Variants in GPAT4 observed in about 807,000 individuals in gnomAD.
The protein encoded by GPAT4 is glycerol-3-phosphate acyltransferase 4.
In GPAT4, 17 loss-of-function variants were observed where a neutral mutation model predicts 58.0. The observed-to-expected ratio is 0.29, with a 90% CI of 0.20 to 0.44. GPAT4 has a LOEUF of 0.44. GPAT4 is among the 20% of genes least tolerant of loss of function. The pLI is 1.00. For missense variants in GPAT4, 377 were observed against 574.5 expected (o/e 0.66, Z 3.51); for synonymous variants, 204 against 210.1 (o/e 0.97, Z 0.25).
intron 1 of GPAT4, among the ~76,000 whole-genome samples, chr8:41,583,656 G>C (rs1229979547): frequency 6.6e-6 from 1 of 152,064 alleles, no homozygotes; most frequent in East Asian, 1.9e-4. Context: ...AGTGCTCCAA[G>C]GTCACACGTG....
chr8:41,579,088 A>G (rs1163522941), intron 1 of GPAT4, among the ~76,000 whole-genome samples: 1 of 152,234 alleles, frequency 6.6e-6, no homozygotes, highest in Non-Finnish European at 1.5e-5. Context: ...ATTCTATCTC[A>G]ATCCAAGGGA....
rs143070535 is a variant in GPAT4 at position 41,595,580 on chromosome 8, T to C, written c.-848-2712T>C. 1.8e-3 allele frequency among the ~76,000 whole-genome samples: 271 copies of C among 152,306 alleles called. 3 individuals are homozygous for C. The highest frequency in any genetic ancestry group is 6.0e-3 in the African/African-American group (251 of 41,566). On this transcript the variant is annotated intron_variant, in intron 1 of 12. Coordinates refer to ENST00000396987, the MANE Select transcript of GPAT4 (RefSeq NM_178819.4). ...GTTTACACTTACAACAAGGTGGTATTGGAGTGTTGTAGGGTCACGGAGAAG... is the reference window on the plus strand; with the variant it reads ...GTTTACACTTACAACAAGGTGGTATCGGAGTGTTGTAGGGTCACGGAGAAG...
chr8:41,621,114 C>G lies in GPAT4; in HGVS notation c.*113C>G. 1 of 1,423,320 alleles carries G rather than the reference C, an allele frequency of 7.0e-7. No individual in the cohort carries two copies. 88.2% of individuals were successfully genotyped at this position (1,423,320 alleles called of 1,614,324 possible). On this transcript the variant is annotated 3_prime_UTR_variant, in exon 13 of 13. Transcript: ENST00000396987. Reference sequence around the variant, plus strand: ...TTTCCAGACTCCAGGGCTCCCCGGGCTGCTCTGGATCCCAGGACTCCGGCT... The same window carrying G: ...TTTCCAGACTCCAGGGCTCCCCGGGGTGCTCTGGATCCCAGGACTCCGGCT...
intron 1 of GPAT4, among the ~76,000 whole-genome samples, chr8:41,597,560 AT>A (rs1364102268): frequency 6.6e-6 from 1 of 152,170 alleles, no homozygotes; most frequent in East Asian, 1.9e-4. Context: ...ATTTCTAGGA[AT>A]TTACCCCGAA....
intron 1 of GPAT4, among the ~76,000 whole-genome samples, chr8:41,582,461 A>G (rs1278332470): frequency 6.9e-6 from 1 of 145,142 alleles, no homozygotes; most frequent in Non-Finnish European, 1.5e-5. Flanking sequence ...ACACACACAC[A>G]CACACACACA....
At chr8:41,586,123 A>G (rs375986891) in intron 1 of GPAT4, among the ~76,000 whole-genome samples, 5 of 152,326 alleles carry the variant, frequency 3.3e-5, no homozygotes, top group South Asian at 2.1e-4. Context: ...GTAACCAACA[A>G]TCTACTTTCT....
In GPAT4 at chr8:41,604,675, A is replaced by G. The variant is rs565118831; in HGVS notation, c.166-4741A>G. 2.4e-3 allele frequency among the ~76,000 whole-genome samples: 370 copies of G among 152,346 alleles called. 2 individuals carry two copies. The highest frequency in any genetic ancestry group is 3.4e-3 in the Middle Eastern group (1 of 294). On this transcript the variant is annotated intron_variant, in intron 2 of 12. Transcript: ENST00000396987. ...TGATGTGAAAGGAGTTGATCAGGTCACGTTAGAGAAGATGAGACAGCTATG... is the reference window on the plus strand; with the variant it reads ...TGATGTGAAAGGAGTTGATCAGGTCGCGTTAGAGAAGATGAGACAGCTATG...
chr8:41,623,409 G>C lies in GPAT4; in HGVS notation c.*2408G>C, dbSNP rs1803815960. On this transcript the variant is annotated 3_prime_UTR_variant, in exon 13 of 13. Coordinates refer to ENST00000396987, the MANE Select transcript of GPAT4 (RefSeq NM_178819.4). ...CCTCCTGTTACCCCAGCAAGGGTGG[G>C]GCTGAGCTGGGAATGACACCCAGTG... is the stretch of plus-strand genomic sequence containing the variant. 1 of 152,194 alleles carries C rather than the reference G, an allele frequency of 6.6e-6. No individual in the cohort carries two copies. The highest frequency in any genetic ancestry group is 1.5e-5 in the Non-Finnish European group (1 of 68,044). The allele number at this position is 152,194 out of a possible 1,614,324, so 9.4% of individuals were successfully genotyped here.
chr8:41,606,437 A>G (rs1044012934), intron 2 of GPAT4, among the ~76,000 whole-genome samples: 17 of 152,160 alleles, frequency 1.1e-4, no homozygotes, highest in Non-Finnish European at 2.1e-4. Flanking sequence ...CTGTGTGAGT[A>G]TAGTGCAGAG....
intron 2 of GPAT4, among the ~76,000 whole-genome samples, chr8:41,600,184 C>G (rs1408357700): frequency 6.6e-6 from 1 of 151,520 alleles, no homozygotes; most frequent in Non-Finnish European, 1.5e-5. Context: ...GACTACAGGC[C>G]CATGCCACCA....
intron 2 of GPAT4, among the ~76,000 whole-genome samples, chr8:41,602,245 A>C (rs931392080): frequency 6.6e-6 from 1 of 152,234 alleles, no homozygotes; most frequent in African/African-American, 2.4e-5. Context: ...GGCGTGAGCC[A>C]CCACACCTGG....
rs1349187664 is a variant in GPAT4, at chr8:41,610,828, G to C, written c.611+18G>C. 2.5e-6 allele frequency: 4 copies of C among 1,589,838 alleles called. No individual in the cohort carries two copies. The highest frequency in any genetic ancestry group is 3.4e-6 in the Non-Finnish European group (4 of 1,168,526). Reference sequence around the variant, plus strand: ...AATGGGAGGTGAGTAGAGTGTGGCAGTCCATGCCTGAAGGACAGTTAGTTC... The same window carrying C: ...AATGGGAGGTGAGTAGAGTGTGGCACTCCATGCCTGAAGGACAGTTAGTTC... On this transcript the variant is annotated intron_variant, in intron 5 of 12. Coordinates refer to ENST00000396987, the MANE Select transcript of GPAT4 (RefSeq NM_178819.4).
In GPAT4 at chr8:41,612,885, G is replaced by C; in HGVS notation, c.836G>C (p.Arg279Thr). The change falls in exon 8 of 13, where the codon AGA (arginine) becomes ACA (threonine). Residue 279 changes from arginine (R) to threonine (T), a missense_variant. Transcript: ENST00000396987. ...VHGGLMGVIQ[R>T]AMVKACPHVW... ...GGGGGACTCATGGGTGTGATTCAGA[G>C]AGCCATGGTGAAGGCCTGCCCACAC... is the stretch of plus-strand genomic sequence containing the variant. 1.2e-6 allele frequency: 2 copies of C among 1,614,110 alleles called. No homozygotes were observed. The highest frequency in any genetic ancestry group is 1.7e-6 in the Non-Finnish European group (2 of 1,180,020).
intron 2 of GPAT4, among the ~76,000 whole-genome samples, chr8:41,607,622 T>A (rs1803318391): frequency 2.0e-5 from 3 of 151,148 alleles, no homozygotes; most frequent in African/African-American, 7.3e-5. Context: ...CACTGCAGCC[T>A]CAACGTCCCC....
intron 9 of GPAT4, 55 bp from the exon 10 acceptor site, chr8:41,614,908 A>G: frequency 6.9e-7 from 1 of 1,451,716 alleles, no homozygotes; most frequent in Non-Finnish European, 9.6e-7. Context: ...GAAACGCCTA[A>G]TATCTGGGGT....
chr8:41,601,259 A>G (rs919831702), intron 2 of GPAT4, among the ~76,000 whole-genome samples: 5 of 152,194 alleles, frequency 3.3e-5, no homozygotes, highest in African/African-American at 1.2e-4. Flanking sequence ...GACCCACCCC[A>G]GACCTATTGA....
In GPAT4 at chr8:41,610,830, C is replaced by T; in HGVS notation, c.611+20C>T. The stretch of plus-strand genomic sequence containing the variant: ...TGGGAGGTGAGTAGAGTGTGGCAGT[C>T]CATGCCTGAAGGACAGTTAGTTCTG... On this transcript the variant is annotated intron_variant, in intron 5 of 12. Coordinates refer to ENST00000396987, the MANE Select transcript of GPAT4 (RefSeq NM_178819.4). The T allele has an allele frequency of 6.3e-7, 1 of 1,588,288 alleles. No homozygotes were observed. The highest frequency in any genetic ancestry group is 2.2e-5 in the East Asian group (1 of 44,488).
rs1208683037 is a variant in GPAT4 at position 41,618,211 on chromosome 8, T to C, written c.1054-473T>C. On this transcript the variant is annotated intron_variant, in intron 10 of 12. Coordinates refer to ENST00000396987, the MANE Select transcript of GPAT4 (RefSeq NM_178819.4). Reference sequence around the variant, plus strand: ...ACCAGAAATCATATTTAAAAGTTGGTGTTTGTGTAAGAAAATATCTTTATT... The same window carrying C: ...ACCAGAAATCATATTTAAAAGTTGGCGTTTGTGTAAGAAAATATCTTTATT... Among the ~76,000 whole-genome samples the C allele has an allele frequency of 2.0e-5, 3 of 152,030 alleles. No individual in the cohort carries two copies. In the East Asian group the frequency reaches 5.8e-4, roughly 29 times the overall value.
chr8:41,584,387 A>G (rs539895377), intron 1 of GPAT4, among the ~76,000 whole-genome samples: 10 of 152,320 alleles, frequency 6.6e-5, no homozygotes, highest in African/African-American at 2.4e-4. Flanking sequence ...TTTATTTGTA[A>G]TAGCCTCAAA....
Sources: allele counts gnomAD v4.1 joint callset (sites outside exome capture counted in the v4.1 genomes callset), GRCh38; gene constraint gnomAD v4.1.1; transcripts MANE v1.5; gene names NCBI Gene and HGNC (gene_info 2026-07-23, HGNC 2026-07-21).